The following TMEM74 variants were observed in gnomAD, a reference collection of about 807,000 sequenced individuals.
The protein encoded by TMEM74 is transmembrane protein 74.
Under a neutral mutation model 18.1 loss-of-function variants are expected in TMEM74, and 13 were observed. The observed-to-expected ratio is 0.72, with a 90% CI of 0.47 to 1.14. TMEM74 has a LOEUF of 1.14. TMEM74 is among the 50% of genes most tolerant of loss of function. The pLI, the probability that TMEM74 is intolerant of heterozygous loss-of-function variation, is 0.00. For missense variants in TMEM74, 372 were observed against 375.9 expected, an observed-to-expected ratio of 0.99 and a Z score of 0.09; for synonymous variants, 159 against 146.6, an observed-to-expected ratio of 1.08 and a Z score of -0.61.
intron 2 of TMEM74, among the ~76,000 whole-genome samples, chr8:108,612,179 AACTATATCAGGC>A (rs1482328646): frequency 6.6e-6 from 1 of 152,154 alleles, no homozygotes; most frequent in Non-Finnish European, 1.5e-5. Flanking sequence ...GACACAGCCA[AACTATATCAGGC>A]ACTGATTCTT....
intron 1 of TMEM74, among the ~76,000 whole-genome samples, chr8:108,768,864 C>G (rs73311985): frequency 0.035 from 5,275 of 152,204 alleles, 214 homozygotes; most frequent in African/African-American, 0.097. Context: ...AAGGGGCATG[C>G]CTTCTTTTCC....
At position 108,647,050 on chromosome 8, in the gene TMEM74, T is replaced by C. The variant is rs201949437; in HGVS notation, n.264+8243A>G. Among the ~76,000 whole-genome samples the C allele has an allele frequency of 3.9e-5, 6 of 152,248 alleles. No homozygotes were observed. The East Asian group carries it at 1.2e-3, about 29-fold the overall frequency. ...TTTCTTGTAACTCACCATCTCCTTT[T>C]TAATTCCTTAATTCCACTGGCAATT... On this transcript the variant is annotated intron_variant and non_coding_transcript_variant, in intron 2 of 3. Transcript: ENST00000518838.
intron 1 of TMEM74, among the ~76,000 whole-genome samples, chr8:108,692,106 A>G (rs968539286): frequency 1.3e-5 from 2 of 152,192 alleles, no homozygotes; most frequent in Non-Finnish European, 1.5e-5. Context: ...AGAGAGGTGT[A>G]TGAGATTTGT....
chr8:108,785,957 C>A (rs1403095607), intron 1 of TMEM74, among the ~76,000 whole-genome samples: 1 of 152,166 alleles, frequency 6.6e-6, no homozygotes, highest in Non-Finnish European at 1.5e-5. Flanking sequence ...ACCCACTCCT[C>A]CACACACACA....
At chr8:108,764,146 A>T (rs778189336) in intron 1 of TMEM74, among the ~76,000 whole-genome samples, 6 of 152,172 alleles carry the variant, frequency 3.9e-5, no homozygotes, top group Admixed American at 6.6e-5. Flanking sequence ...TCCACAACAC[A>T]AACAAGATAA....
chr8:108,694,339 T>C (rs1028590389), intron 1 of TMEM74, among the ~76,000 whole-genome samples: 2 of 152,152 alleles, frequency 1.3e-5, no homozygotes, highest in Non-Finnish European at 1.5e-5. Flanking sequence ...AAAGATATGA[T>C]ACTGATACAT....
chr8:108,641,693 G>A (rs999671209), intron 2 of TMEM74, among the ~76,000 whole-genome samples: 2 of 152,052 alleles, frequency 1.3e-5, no homozygotes, highest in Non-Finnish European at 2.9e-5. Flanking sequence ...TTCTCAGGCC[G>A]CCTTGGTCTG....
chr8:108,756,371 T>C (rs187204422), intron 1 of TMEM74, among the ~76,000 whole-genome samples: 11 of 151,742 alleles, frequency 7.2e-5, no homozygotes, highest in Middle Eastern at 3.4e-3. Context: ...AACTTAAAAA[T>C]AGAAGGTACT....
At chr8:108,686,732 T>C (rs542515050) in intron 1 of TMEM74, among the ~76,000 whole-genome samples, 1 of 152,170 alleles carries the variant, frequency 6.6e-6, no homozygotes, top group African/African-American at 2.4e-5. Flanking sequence ...CTCATCCTCT[T>C]ATACAACATA....
At position 108,662,882 on chromosome 8, in the gene TMEM74, C is replaced by G. The variant is rs572879320; in HGVS notation, n.120-7445G>C. On this transcript the variant is annotated intron_variant and non_coding_transcript_variant, in intron 1 of 3. Coordinates refer to the TMEM74 transcript ENST00000518838. ...TGTGTTCCCACAGTACTCTGACTCACCCTGTTTACCACAGGTAGAACATGG... is the reference window on the plus strand; with the variant it reads ...TGTGTTCCCACAGTACTCTGACTCAGCCTGTTTACCACAGGTAGAACATGG... 3.3e-5 allele frequency among the ~76,000 whole-genome samples: 5 copies of G among 152,226 alleles called. No homozygotes were observed. In the South Asian group the frequency reaches 1.0e-3, roughly 32 times the overall value.
intron 1 of TMEM74, among the ~76,000 whole-genome samples, chr8:108,698,693 G>A (rs1044141777): frequency 2.0e-5 from 3 of 152,262 alleles, no homozygotes; most frequent in East Asian, 1.9e-4. Context: ...AGAGGTTTGA[G>A]TGTTTAACCA....
intron 1 of TMEM74, among the ~76,000 whole-genome samples, chr8:108,719,957 A>G (rs1274090946): frequency 1.3e-5 from 2 of 152,186 alleles, no homozygotes; most frequent in Non-Finnish European, 2.9e-5. Flanking sequence ...TTTTTAAAAA[A>G]TCATGTGCAC....
rs151051643 is a variant in TMEM74 at position 108,756,003 on chromosome 8, T to A, written n.119+31473A>T. Among the ~76,000 whole-genome samples, 510 of 152,190 alleles carry A rather than the reference T, an allele frequency of 3.4e-3. 3 individuals are homozygous for A. Among genetic ancestry groups the A allele is most frequent in the African/African-American group, 0.012 (486 of 41,538 alleles). On this transcript the variant is annotated intron_variant and non_coding_transcript_variant, in intron 1 of 3. Coordinates refer to the TMEM74 transcript ENST00000518838. Reference sequence around the variant, plus strand: ...TGCCATTCCCAGAATCAAGGAAGTATATTTTAATCACATGCAAGCATCAAC... The same window carrying A: ...TGCCATTCCCAGAATCAAGGAAGTAAATTTTAATCACATGCAAGCATCAAC...
At chr8:108,697,285 C>T (rs1813289725) in intron 1 of TMEM74, among the ~76,000 whole-genome samples, 1 of 152,196 alleles carries the variant, frequency 6.6e-6, no homozygotes, top group South Asian at 2.1e-4. Context: ...TCACAGATGA[C>T]TCCTCCATAA....
At chr8:108,762,444 C>A (rs1357335637) in intron 1 of TMEM74, among the ~76,000 whole-genome samples, 1 of 152,060 alleles carries the variant, frequency 6.6e-6, no homozygotes, top group East Asian at 1.9e-4. Context: ...TGTGTAATTT[C>A]TTAATGTGTT....
chr8:108,699,453 G>C (rs1813314881), intron 1 of TMEM74, among the ~76,000 whole-genome samples: 1 of 151,810 alleles, frequency 6.6e-6, no homozygotes, highest in Non-Finnish European at 1.5e-5. Context: ...AACTGAGGTG[G>C]GTTCTGTTCT....
At chr8:108,766,886 T>C (rs1343455207) in intron 1 of TMEM74, among the ~76,000 whole-genome samples, 2 of 152,138 alleles carry the variant, frequency 1.3e-5, no homozygotes, top group Admixed American at 1.3e-4. Flanking sequence ...TGGAGTGTGA[T>C]GTTTGAGGGC....
intron 1 of TMEM74, among the ~76,000 whole-genome samples, chr8:108,677,865 T>A (rs1172087305): frequency 6.6e-6 from 1 of 152,162 alleles, no homozygotes; most frequent in Non-Finnish European, 1.5e-5. Context: ...GACTTGCATA[T>A]AAGGAAACAT....
At chr8:108,717,253 A>T (rs1403747303) in intron 1 of TMEM74, among the ~76,000 whole-genome samples, 1 of 152,194 alleles carries the variant, frequency 6.6e-6, no homozygotes, top group Non-Finnish European at 1.5e-5. Context: ...AAAATTTAAC[A>T]CAAGAAAAGG....
Sources: gnomAD v4.1 joint callset for allele counts (sites outside exome capture counted in the v4.1 genomes callset) on GRCh38, gnomAD v4.1.1 for gene constraint, MANE v1.5 for transcripts, NCBI Gene and HGNC (gene_info 2026-07-23, HGNC 2026-07-21) for gene names.